Variants in MIGA1 observed in about 807,000 individuals in gnomAD.
MIGA1 encodes the protein mitoguardin 1, also known as family with sequence similarity 73, member A.
Under a neutral mutation model 82.0 loss-of-function variants are expected in MIGA1, and 58 were observed. The observed-to-expected ratio is 0.71, with a 90% confidence interval of 0.57 to 0.88. The LOEUF (loss-of-function observed/expected upper bound fraction) is 0.88, where lower values mean the gene tolerates loss of function less well. Ranked by LOEUF, MIGA1 falls within the 40% of genes least tolerant of loss-of-function variation. The pLI is 0.00. For missense variants in MIGA1, 751 were observed against 749.1 expected (o/e 1.00, Z -0.03); for synonymous variants, 249 against 253.6 (o/e 0.98, Z 0.17).
At chr1:77,847,051 T>G in intron 8 of MIGA1, 1 of 736,914 alleles carries the variant, frequency 1.4e-6, no homozygotes, top group Non-Finnish European at 2.5e-6. Flanking sequence ...CACTTATTTA[T>G]AGCAATCCAG....
intron 14 of MIGA1, among the ~76,000 whole-genome samples, chr1:77,871,718 C>A (rs1250195466): frequency 6.6e-6 from 1 of 152,132 alleles, no homozygotes; most frequent in Non-Finnish European, 1.5e-5. Context: ...ACTAATACTT[C>A]ACAGGAAGAG....
At chr1:77,870,292 T>G (rs1301472086) in intron 14 of MIGA1, among the ~76,000 whole-genome samples, 3 of 96,178 alleles carry the variant, frequency 3.1e-5, no homozygotes, top group African/African-American at 8.2e-5. Context: ...CCAGACGGGG[T>G]GGCTGCCGGA....
At chr1:77,866,572 C>A (rs1394478324) in intron 14 of MIGA1, among the ~76,000 whole-genome samples, 181 bp downstream of exon 14, 1 of 151,882 alleles carries the variant, frequency 6.6e-6, no homozygotes, top group African/African-American at 2.4e-5. Context: ...GGCCTTCTTT[C>A]TCATCCTTAG....
At chr1:77,799,969 C>T (rs1443139670) in intron 2 of MIGA1, among the ~76,000 whole-genome samples, 1 of 151,602 alleles carries the variant, frequency 6.6e-6, no homozygotes, top group African/African-American at 2.4e-5. Context: ...AATCTTAAGT[C>T]GAAAGCTTAG....
At position 77,877,376 on chromosome 1, in the gene MIGA1, A is replaced by G. The variant is rs1646902011; in HGVS notation, c.*2312A>G. The G allele has an allele frequency of 1.3e-5, 2 of 152,346 alleles. 1 individual carries two copies. Among genetic ancestry groups the G allele is most frequent in the Non-Finnish European group, 2.9e-5 (2 of 68,030 alleles). 9.4% of individuals were successfully genotyped at this position (152,346 alleles called of 1,614,324 possible). The stretch of plus-strand genomic sequence containing the variant: ...AAATTATCACTGTTCTTTAGTATAT[A>G]GCTCCTTGCCTTTTCTTACATAGAT... On this transcript the variant is annotated 3_prime_UTR_variant, in exon 16 of 16. Coordinates refer to ENST00000370791, the MANE Select transcript of MIGA1 (RefSeq NM_198549.4).
intron 7 of MIGA1, among the ~76,000 whole-genome samples, chr1:77,832,426 C>A (rs571051422): frequency 1.3e-5 from 2 of 152,126 alleles, no homozygotes; most frequent in Non-Finnish European, 2.9e-5. Flanking sequence ...TGGAAACAGG[C>A]ATTAAAAAAT....
chr1:77,833,143 G>A (rs74845884), intron 7 of MIGA1, among the ~76,000 whole-genome samples: 4,130 of 152,228 alleles, frequency 0.027, 148 homozygotes, highest in African/African-American at 0.095. Context: ...GCCCCAAGTT[G>A]AAGCTCTGAG....
intron 2 of MIGA1, among the ~76,000 whole-genome samples, chr1:77,796,163 G>A (rs1189287008): frequency 1.3e-5 from 2 of 150,180 alleles, no homozygotes; most frequent in Non-Finnish European, 3.0e-5. Flanking sequence ...CTGTCACCCA[G>A]GTTGGAGCAC....
intron 5 of MIGA1, among the ~76,000 whole-genome samples, chr1:77,812,176 A>C (rs1445898816): frequency 6.6e-6 from 1 of 152,110 alleles, no homozygotes; most frequent in Non-Finnish European, 1.5e-5. Flanking sequence ...TACATTTAAA[A>C]AAATAAAAGA....
At chr1:77,854,679 T>G (rs1685178631) in intron 8 of MIGA1, among the ~76,000 whole-genome samples, 1 of 152,230 alleles carries the variant, frequency 6.6e-6, no homozygotes, top group Non-Finnish European at 1.5e-5. Context: ...TTTCATGTGT[T>G]TGTTGGCCAT....
intron 14 of MIGA1, among the ~76,000 whole-genome samples, chr1:77,870,919 C>CA (rs377316490): frequency 2.2e-4 from 31 of 140,672 alleles, no homozygotes; most frequent in East Asian, 2.2e-3. Flanking sequence ...CCGTCTCCAC[C>CA]AAAAAAAAAA....
intron 13 of MIGA1, among the ~76,000 whole-genome samples, chr1:77,864,908 T>G (rs1002142368): frequency 1.3e-5 from 2 of 152,238 alleles, no homozygotes; most frequent in African/African-American, 4.8e-5. Context: ...GGTGGATATA[T>G]TTTATGATGC....
chr1:77,783,076 G>A (rs568904985), intron 1 of MIGA1, among the ~76,000 whole-genome samples, 162 bp from the exon 2 acceptor site: 2 of 149,990 alleles, frequency 1.3e-5, no homozygotes, highest in African/African-American at 4.9e-5. Context: ...TTTCTTTTAC[G>A]CGTTTGGTGA....
At chr1:77,843,204 CTAAA>C in intron 7 of MIGA1, 99 bp from the exon 8 acceptor site, 1 of 758,742 alleles carries the variant, frequency 1.3e-6, no homozygotes, top group South Asian at 2.0e-5. Flanking sequence ...CACTAGTAGT[CTAAA>C]TAAAGACTGG....
Position 77,860,077 on chromosome 1 carries a change from C to T in MIGA1, c.1226C>T (p.Ala409Val), listed in dbSNP as rs1343298065. Residue 409 changes from alanine (A) to valine (V), a missense_variant, in exon 11 of 16, where the codon GCT (alanine) becomes GTT (valine). Around this residue, in one of 3 missense-constraint regions of MIGA1, gnomAD observed 265 missense variants for 293.6 expected, o/e 0.90. Transcript: ENST00000370791. ...GAATCAGCTAACAGGATATTCCTCG[C>T]TGAGAGCGGAAGGAAAATTTTATCA... The T allele has an allele frequency of 1.2e-6, 2 of 1,611,952 alleles. No homozygotes were observed. The highest frequency in any genetic ancestry group is 1.1e-5 in the South Asian group (1 of 90,472).
At chr1:77,856,790 A>C (rs1490806253) in intron 8 of MIGA1, among the ~76,000 whole-genome samples, 1 of 151,948 alleles carries the variant, frequency 6.6e-6, no homozygotes, top group Non-Finnish European at 1.5e-5. Context: ...ATCTTGCTAA[A>C]GGTCTATCAA....
intron 4 of MIGA1, among the ~76,000 whole-genome samples, chr1:77,804,993 C>CTTTTTT (rs67999119): frequency 1.0e-5 from 1 of 95,824 alleles, no homozygotes; most frequent in African/African-American, 3.7e-5. Flanking sequence ...TTCCATATTT[C>CTTTTTT]TTTTTTTTTT....
chr1:77,782,814 T>A (rs1681982279), intron 1 of MIGA1: 1 of 955,776 alleles, frequency 1.0e-6, no homozygotes, highest in Non-Finnish European at 1.2e-6. Flanking sequence ...TGTTCCAGAT[T>A]CCATTCAGCA....
chr1:77,782,604 T>G (rs1161313040), intron 1 of MIGA1, among the ~76,000 whole-genome samples: 2 of 152,200 alleles, frequency 1.3e-5, no homozygotes, highest in Non-Finnish European at 2.9e-5. Context: ...TGACCTCTCT[T>G]TGTGTGTCAA....
Sources: gnomAD v4.1 joint callset for allele counts (sites outside exome capture counted in the v4.1 genomes callset) on GRCh38, gnomAD v4.1.1 for gene constraint, gnomAD v4.1.1 regional missense constraint, MANE v1.5 for transcripts, NCBI Gene and HGNC (gene_info 2026-07-23, HGNC 2026-07-21) for gene names.